The following RHOBTB1 variants were observed in gnomAD, a reference collection of about 807,000 sequenced individuals.
The protein encoded by RHOBTB1 is rho-related BTB domain-containing protein 1.
In RHOBTB1, 40 loss-of-function variants were observed where a neutral mutation model predicts 71.6. That is an observed-to-expected ratio of 0.56 (90% CI 0.43 to 0.73). The LOEUF is 0.73. Among genes scored for constraint, RHOBTB1 ranks in the 30% least tolerant of loss-of-function variants. The pLI is 0.00. For synonymous variants in RHOBTB1, 319 were observed against 334.9 expected (o/e 0.95, Z 0.52); for missense variants, 797 against 894.0 (o/e 0.89, Z 1.38).
At chr10:60,901,235 G>A (rs1359124933) in intron 4 of RHOBTB1, among the ~76,000 whole-genome samples, 1 of 152,222 alleles carries the variant, frequency 6.6e-6, no homozygotes, top group Non-Finnish European at 1.5e-5. Context: ...TCTCTAGGCT[G>A]AGGGCAGAGG....
In RHOBTB1 at chr10:60,871,486, G is replaced by A; in HGVS notation, c.2087C>T (p.Ala696Val). The A allele has an allele frequency of 1.9e-6, 3 of 1,613,134 alleles. No homozygotes were observed. Among genetic ancestry groups the A allele is most frequent in the East Asian group, 2.2e-5 (1 of 44,870 alleles). ...TTGTTTTTTTTCTCTTCCTCTTCAG[G>A]CCACTGCTGGAGATGAATTCCAGAA... ...WCFWNSSPAV[A>V] The change falls in exon 11 of 11, where the codon GCC (alanine) becomes GTC (valine). Residue 696 changes from alanine (A) to valine (V), a missense_variant. By Grantham distance (64) the Ala-to-Val change is moderately conservative. Coordinates refer to ENST00000337910, the MANE Select transcript of RHOBTB1 (RefSeq NM_014836.5).
chr10:60,986,514 A>T (rs1320292879), intron 1 of RHOBTB1, among the ~76,000 whole-genome samples: 1 of 149,316 alleles, frequency 6.7e-6, no homozygotes, highest in Non-Finnish European at 1.5e-5. Flanking sequence ...TTGGTAATTT[A>T]GGTGAAAGGA....
At chr10:60,933,319 G>A (rs528584892) in intron 2 of RHOBTB1, among the ~76,000 whole-genome samples, 53 of 152,298 alleles carry the variant, frequency 3.5e-4, no homozygotes, top group African/African-American at 1.3e-3. Flanking sequence ...AGTCTGGAGT[G>A]CGACTAGAAA....
chr10:60,958,925 G>T (rs773943962), intron 2 of RHOBTB1, among the ~76,000 whole-genome samples: 8 of 152,186 alleles, frequency 5.3e-5, no homozygotes, highest in African/African-American at 7.2e-5. Flanking sequence ...TAAATAAAAA[G>T]ACTTCATTTT....
At chr10:60,989,818 G>A (rs2086794122) in intron 1 of RHOBTB1, among the ~76,000 whole-genome samples, 1 of 152,102 alleles carries the variant, frequency 6.6e-6, no homozygotes, top group Non-Finnish European at 1.5e-5. Flanking sequence ...AATGCAAGCA[G>A]GTGGGAGAGG....
intron 5 of RHOBTB1, among the ~76,000 whole-genome samples, chr10:60,891,420 A>G (rs2081914279): frequency 7.3e-6 from 1 of 137,826 alleles, no homozygotes; most frequent in Non-Finnish European, 1.5e-5. Context: ...GGCCCACTGC[A>G]GCCTTGTCCT....
intron 1 of RHOBTB1, among the ~76,000 whole-genome samples, chr10:60,991,842 C>A (rs544354875): frequency 1.1e-4 from 16 of 152,254 alleles, no homozygotes; most frequent in African/African-American, 3.6e-4. Flanking sequence ...TCATTTGGAT[C>A]TCATTTTACA....
At chr10:60,973,394 GTCT>G (rs2086223811) in intron 2 of RHOBTB1, among the ~76,000 whole-genome samples, 1 of 152,050 alleles carries the variant, frequency 6.6e-6, no homozygotes, top group Admixed American at 6.6e-5. Context: ...ACTGTCCATC[GTCT>G]TCTTTAAAAT....
intron 2 of RHOBTB1, among the ~76,000 whole-genome samples, chr10:60,939,069 T>A (rs370628911): frequency 6.6e-6 from 1 of 152,190 alleles, no homozygotes; most frequent in South Asian, 2.1e-4. Flanking sequence ...ATGCAATAAG[T>A]AAACTCAGGT....
At chr10:60,941,989 G>C (rs1348844816) in intron 1 of RHOBTB1, 135 bp from the exon 2 acceptor site, 2 of 151,446 alleles carry the variant, frequency 1.3e-5, no homozygotes, top group Non-Finnish European at 2.9e-5. Flanking sequence ...CTTTTGCTAA[G>C]TGCCAGTGTT....
At chr10:60,951,199 A>G (rs2134392510) in intron 2 of RHOBTB1, among the ~76,000 whole-genome samples, 1 of 152,230 alleles carries the variant, frequency 6.6e-6, no homozygotes, top group Non-Finnish European at 1.5e-5. Flanking sequence ...ACTAACTTGT[A>G]TATAGATACC....
chr10:60,901,704 C>T (rs182039066), intron 4 of RHOBTB1, among the ~76,000 whole-genome samples: 1 of 152,300 alleles, frequency 6.6e-6, no homozygotes. Context: ...CTTCTTTCAT[C>T]ATGAAAAGTC....
rs2085082908 is a variant in RHOBTB1 at position 60,944,025 on chromosome 10, G to C, written c.-116C>G. 2 of 151,676 alleles carry C rather than the reference G, an allele frequency of 1.3e-5. No homozygotes were observed. Among genetic ancestry groups the C allele is most frequent in the Non-Finnish European group, 2.9e-5 (2 of 67,896 alleles). The allele number at this position is 151,676 out of a possible 1,614,324, so 9.4% of individuals were successfully genotyped here. A position where few individuals can be genotyped will look rare whatever the true frequency, so the allele number is the denominator to read the frequency against. ...CCGCCTTCAAGGGCCGGGGGGAGCG[G>C]GGGGGCCCCCGCCACTCAGCAGCAG... On this transcript the variant is annotated 5_prime_UTR_variant, in exon 1 of 11. Transcript: ENST00000337910.
chr10:60,949,304 C>A (rs1252336378), intron 2 of RHOBTB1, among the ~76,000 whole-genome samples: 1 of 152,194 alleles, frequency 6.6e-6, no homozygotes, highest in Non-Finnish European at 1.5e-5. Context: ...ATGTCAACAT[C>A]AAGGCATAAC....
chr10:60,965,495 C>T lies in RHOBTB1; in HGVS notation c.-62+20350G>A, dbSNP rs536786042. On this transcript the variant is annotated intron_variant, in intron 2 of 11. Transcript: ENST00000357917. Reference sequence around the variant, plus strand: ...TCATGATTCTTCCCTATTTGTGTGCCTAGCATGGTGCCTGGCATGTAGTAG... The same window carrying T: ...TCATGATTCTTCCCTATTTGTGTGCTTAGCATGGTGCCTGGCATGTAGTAG... Among the ~76,000 whole-genome samples the T allele has an allele frequency of 3.9e-5, 6 of 152,148 alleles. No homozygotes were observed. In the South Asian group the frequency reaches 1.2e-3, roughly 32 times the overall value.
At chr10:60,862,647 CCTTT>C in the RHOBTB1 span, among the ~76,000 whole-genome samples, 1 of 139,910 alleles carries the variant, frequency 7.1e-6, no homozygotes, top group Admixed American at 7.4e-5. Flanking sequence ...TTCCTTTCTC[CCTTT>C]CTTTTTTCTT....
Position 60,940,766 on chromosome 10 carries a change from G to A in RHOBTB1, c.-11+1038C>T, listed in dbSNP as rs189148677. ...TCATCTATCCAGACAAAAAAAATGTGCTTGGAAATTTTTTTCATGCATATA... is the reference window on the plus strand; with the variant it reads ...TCATCTATCCAGACAAAAAAAATGTACTTGGAAATTTTTTTCATGCATATA... On this transcript the variant is annotated intron_variant, in intron 2 of 10. Coordinates refer to ENST00000337910, the MANE Select transcript of RHOBTB1 (RefSeq NM_014836.5). 2.8e-4 allele frequency among the ~76,000 whole-genome samples: 43 copies of A among 152,200 alleles called. No homozygotes were observed. The East Asian group carries it at 5.2e-3, about 18-fold the overall frequency.
intron 4 of RHOBTB1, among the ~76,000 whole-genome samples, chr10:60,897,602 GA>G (rs2082219792): frequency 6.6e-6 from 1 of 152,228 alleles, no homozygotes; most frequent in Admixed American, 6.5e-5. Flanking sequence ...AGAAAGCTAT[GA>G]GTGGGACAGC....
intron 7 of RHOBTB1, among the ~76,000 whole-genome samples, chr10:60,884,442 A>G (rs2081472616): frequency 6.6e-6 from 1 of 152,228 alleles, no homozygotes; most frequent in Middle Eastern, 3.2e-3. Flanking sequence ...GCAAAACTCC[A>G]CAAAAATGCT....
Sources: gnomAD v4.1 joint callset for allele counts (sites outside exome capture counted in the v4.1 genomes callset) on GRCh38, gnomAD v4.1.1 for gene constraint, MANE v1.5 for transcripts, NCBI Gene and HGNC (gene_info 2026-07-23, HGNC 2026-07-21) for gene names.